The following MCTP2 variants were observed in gnomAD, a reference collection of about 807,000 sequenced individuals.
The protein encoded by MCTP2 is multiple C2 and transmembrane domain containing 2.
Under a neutral mutation model 111.6 loss-of-function variants are expected in MCTP2, and 132 were observed. The ratio of observed to expected loss-of-function variants is 1.18; its 90% CI spans 1.03 to 1.37. MCTP2 has a LOEUF of 1.37. Among genes scored for constraint, MCTP2 ranks in the 40% most tolerant of loss-of-function variants. The probability of loss-of-function intolerance (pLI) is 0.00; values close to 1 mark genes in which losing one functional copy is unlikely to be tolerated. For synonymous variants in MCTP2, 395 were observed against 387.7 expected (o/e 1.02, Z -0.22); for missense variants, 1,183 against 1,067.9 (o/e 1.11, Z -1.50).
At chr15:94,398,651 C>T (rs1441176784) in intron 14 of MCTP2, among the ~76,000 whole-genome samples, 1 of 152,032 alleles carries the variant, frequency 6.6e-6, no homozygotes, top group Non-Finnish European at 1.5e-5. Flanking sequence ...AGAGTATTGG[C>T]CAGGAATTTT....
chr15:94,271,589 G>A (rs1156921489), intron 1 of MCTP2, among the ~76,000 whole-genome samples: 1 of 152,138 alleles, frequency 6.6e-6, no homozygotes, highest in Non-Finnish European at 1.5e-5. Flanking sequence ...GAATGATTAT[G>A]TTATGAAAGA....
intron 2 of MCTP2, among the ~76,000 whole-genome samples, chr15:94,306,101 A>G (rs567010517): frequency 6.6e-6 from 1 of 152,340 alleles, no homozygotes; most frequent in East Asian, 1.9e-4. Context: ...ACTCAGTGCT[A>G]GATAACCAGT....
intron 17 of MCTP2, among the ~76,000 whole-genome samples, chr15:94,410,469 T>C (rs1162484441): frequency 6.6e-6 from 1 of 152,048 alleles, no homozygotes; most frequent in Non-Finnish European, 1.5e-5. Context: ...CTTATGCCTA[T>C]AGTTCCAGCA....
chr15:94,393,723 GA>G, intron 14 of MCTP2, among the ~76,000 whole-genome samples: 1 of 151,856 alleles, frequency 6.6e-6, no homozygotes, highest in Non-Finnish European at 1.5e-5. Flanking sequence ...AATCAATAAG[GA>G]AAATACAAGT....
intron 4 of MCTP2, among the ~76,000 whole-genome samples, chr15:94,333,077 A>G (rs1353203364): frequency 6.6e-6 from 1 of 152,178 alleles, no homozygotes; most frequent in African/African-American, 2.4e-5. Context: ...TCTACTAAAA[A>G]TACAAAAATT....
chr15:94,326,598 C>T (rs1273786490), intron 4 of MCTP2, among the ~76,000 whole-genome samples: 2 of 151,350 alleles, frequency 1.3e-5, no homozygotes, highest in Non-Finnish European at 1.5e-5. Context: ...GACTGAGTCT[C>T]GCTCTGTCAC....
Position 94,257,569 on chromosome 15 carries a change from G to GTTTTTT in MCTP2, c.-66+25935_-66+25940dup, listed in dbSNP as rs760633548. On this transcript the variant is annotated intron_variant, in intron 1 of 22. Transcript: ENST00000357742. Reference sequence around the variant, plus strand: ...AATATTTGTTGTCATTTTCTTTGTTGTTTTTTTTTTTTTTTTTTTTTTTTT... The same window carrying GTTTTTT: ...AATATTTGTTGTCATTTTCTTTGTTGTTTTTTTTTTTTTTTTTTTTTTTTTTTTTTT... 5.9e-3 allele frequency among the ~76,000 whole-genome samples: 198 copies of GTTTTTT among 33,788 alleles called. 36 individuals are homozygous for GTTTTTT. Among genetic ancestry groups the GTTTTTT allele is most frequent in the Admixed American group, 7.5e-3 (18 of 2,386 alleles). 22.2% of individuals were successfully genotyped at this position (33,788 alleles called of 152,430 possible). A position where few individuals can be genotyped will look rare whatever the true frequency, so the allele number is the denominator to read the frequency against.
intron 11 of MCTP2, among the ~76,000 whole-genome samples, chr15:94,369,474 A>T (rs2079371383): frequency 6.6e-6 from 1 of 152,216 alleles, no homozygotes; most frequent in Non-Finnish European, 1.5e-5. Flanking sequence ...ATATGTGCTT[A>T]AGAATGAGCA....
At chr15:94,330,435 A>G (rs1317067434) in intron 4 of MCTP2, among the ~76,000 whole-genome samples, 1 of 152,208 alleles carries the variant, frequency 6.6e-6, no homozygotes, top group Non-Finnish European at 1.5e-5. Flanking sequence ...TAATATGCAT[A>G]TAGGTCTTGT....
chr15:94,386,171 G>T (rs115773196), intron 14 of MCTP2, among the ~76,000 whole-genome samples: 46 of 152,240 alleles, frequency 3.0e-4, no homozygotes, highest in African/African-American at 1.1e-3. Flanking sequence ...CCTTTACATG[G>T]GTCGGGGGGA....
intron 4 of MCTP2, among the ~76,000 whole-genome samples, chr15:94,336,465 C>T (rs191816259): frequency 6.6e-6 from 1 of 152,202 alleles, no homozygotes; most frequent in African/African-American, 2.4e-5. Context: ...ATGTAACCTC[C>T]TGGAGTGCTC....
chr15:94,323,422 G>T (rs1042478182), intron 4 of MCTP2, among the ~76,000 whole-genome samples: 5 of 152,188 alleles, frequency 3.3e-5, no homozygotes, highest in African/African-American at 1.2e-4. Context: ...GAATAATCAT[G>T]GGCACAGAAG....
intron 1 of MCTP2, among the ~76,000 whole-genome samples, chr15:94,272,311 G>A (rs2073947323): frequency 6.6e-6 from 1 of 152,162 alleles, no homozygotes; most frequent in Non-Finnish European, 1.5e-5. Context: ...GTGTGTGGGT[G>A]TGCATGCATT....
rs531036675 is a variant in MCTP2 at position 94,458,124 on chromosome 15, T to C, written c.2251-13T>C. The C allele has an allele frequency of 1.2e-5, 18 of 1,492,470 alleles. No individual in the cohort carries two copies. The highest frequency in any genetic ancestry group is 1.7e-5 in the Non-Finnish European group (18 of 1,070,376). 92.5% of individuals were successfully genotyped at this position (1,492,470 alleles called of 1,614,324 possible). ...GAAGTAACTGAGTTAAATCTTGCTT[T>C]TATGTTTTCTAGGAATCTGAGAAAA... On this transcript the variant is annotated splice_polypyrimidine_tract_variant and intron_variant, in intron 19 of 22. Coordinates refer to ENST00000357742, the MANE Select transcript of MCTP2 (RefSeq NM_001385001.1).
intron 18 of MCTP2, among the ~76,000 whole-genome samples, chr15:94,441,761 A>G (rs2083795488): frequency 6.6e-6 from 1 of 152,232 alleles, no homozygotes; most frequent in African/African-American, 2.4e-5. Context: ...TACTGGAACC[A>G]TGTCCCAAGC....
intron 20 of MCTP2, among the ~76,000 whole-genome samples, chr15:94,461,710 G>A (rs2085221444): frequency 6.6e-6 from 1 of 152,100 alleles, no homozygotes. Flanking sequence ...AAGTAGAACT[G>A]CCCTGGCTAG....
At chr15:94,244,672 A>C (rs929622174) in intron 1 of MCTP2, among the ~76,000 whole-genome samples, 5 of 147,956 alleles carry the variant, frequency 3.4e-5, no homozygotes, top group Admixed American at 6.6e-5. Flanking sequence ...ATACATATCC[A>C]CCTATGTTTA....
In MCTP2 at chr15:94,358,593, C is replaced by A. The variant is rs1175693171; in HGVS notation, c.1282C>A (p.His428Asn). The change falls in exon 10 of 23, where the codon CAT (histidine) becomes AAT (asparagine). Residue 428 changes from histidine to asparagine, a missense_variant. Coordinates refer to ENST00000357742, the MANE Select transcript of MCTP2 (RefSeq NM_001385001.1). ...AGTGTGGGGAAAGGACAACAAAAAGCATGAGGAACGTCTGGGCACGTGAGT... is the reference window on the plus strand; with the variant it reads ...AGTGTGGGGAAAGGACAACAAAAAGAATGAGGAACGTCTGGGCACGTGAGT... ...IEVWGKDNKK[H>N]EERLGTCKVD... 4 of 1,613,570 alleles carry A rather than the reference C, an allele frequency of 2.5e-6. No individual in the cohort carries two copies. In the African/African-American group the frequency reaches 4.0e-5, roughly 16 times the overall value.
At chr15:94,267,869 C>CTTTCTTTTTTTTT (rs1555443740) in intron 1 of MCTP2, among the ~76,000 whole-genome samples, 17 of 77,456 alleles carry the variant, frequency 2.2e-4, no homozygotes, top group South Asian at 1.0e-3. Context: ...CCTTTTCTTT[C>CTTTCTTTTTTTTT]TTTTTTTTTT....
Sources: gnomAD v4.1 joint callset for allele counts (sites outside exome capture counted in the v4.1 genomes callset) on GRCh38, gnomAD v4.1.1 for gene constraint, MANE v1.5 for transcripts, NCBI Gene and HGNC (gene_info 2026-07-23, HGNC 2026-07-21) for gene names.